Variants in OTUD7A observed in about 807,000 individuals in gnomAD.
The protein encoded by OTUD7A is OTU domain-containing protein 7A.
Under a neutral mutation model 65.7 loss-of-function variants are expected in OTUD7A, and 12 were observed. The observed-to-expected ratio is 0.18, with a 90% confidence interval of 0.12 to 0.30. The LOEUF (loss-of-function observed/expected upper bound fraction) is 0.30, where lower values mean the gene tolerates loss of function less well. Ranked by LOEUF, OTUD7A falls within the 10% of genes least tolerant of loss-of-function variation. The pLI is 1.00. For synonymous variants in OTUD7A, 641 were observed against 586.3 expected, an observed-to-expected ratio of 1.09 and a Z score of -1.35; for missense variants, 1,148 against 1,304.8, an observed-to-expected ratio of 0.88 and a Z score of 1.85.
rs1377808017 is a variant in OTUD7A at position 31,527,237 on chromosome 15, C to T, written c.724G>A (p.Glu242Lys). 6.2e-7 allele frequency: 1 copy of T among 1,614,124 alleles called. No homozygotes were observed. The highest frequency in any genetic ancestry group is 8.5e-7 in the Non-Finnish European group (1 of 1,180,048). ...CACCTCCGCTTCAGGGCTTCCCTCT[C>T]AGCTCCCGTCCTCATCATGGTATAG... ...ALYTMMRTGAEREALKRRWRW... is the reference protein window; with the variant it reads ...ALYTMMRTGAKREALKRRWRW... Residue 242 changes from glutamate to lysine, a missense_variant, in exon 7 of 13, where the codon GAG becomes AAG. This residue lies in a region of OTUD7A where 134 missense variants were observed against 252.6 expected (regional missense o/e 0.53). Transcript: ENST00000307050.
intron 1 of OTUD7A, among the ~76,000 whole-genome samples, chr15:31,838,653 A>G (rs997780617): frequency 2.2e-5 from 2 of 91,592 alleles, no homozygotes; most frequent in African/African-American, 7.6e-5. Flanking sequence ...AACTGATCTC[A>G]AAGACCCCCC....
rs559641494 is a variant in OTUD7A at position 31,619,815 on chromosome 15, A to G, written c.151+35281T>C. Among the ~76,000 whole-genome samples the G allele has an allele frequency of 3.3e-5, 5 of 152,262 alleles. No homozygotes were observed. The South Asian group carries it at 6.2e-4, about 19-fold the overall frequency. ...ACTTCCAACACTATGTTGAATAGGA[A>G]TGGTGAGAGAGGGCATCCCTGTCTG... On this transcript the variant is annotated intron_variant, in intron 3 of 12. Coordinates refer to ENST00000307050, the MANE Select transcript of OTUD7A (RefSeq NM_001382637.1).
Position 31,483,438 on chromosome 15 carries a change from G to T in OTUD7A, c.2658C>A (p.Gly886=). Residue 886 remains glycine, a synonymous_variant, in exon 13 of 13, where the codon GGC becomes GGA. Coordinates refer to ENST00000307050, the MANE Select transcript of OTUD7A (RefSeq NM_001382637.1). The part of the protein sequence containing the change: ...APTARSNGEC[G]RGGPGPVQRR... ...GCTGCACCGGCCCCGGGCCGCCACG[G>T]CCGCACTCACCGTTCGAGCGCGCGG... The T allele has an allele frequency of 2.2e-6, 3 of 1,383,602 alleles. No homozygotes were observed. The highest frequency in any genetic ancestry group is 2.8e-6 in the Non-Finnish European group (3 of 1,069,120). The allele number at this position is 1,383,602 out of a possible 1,614,324, so 85.7% of individuals were successfully genotyped here.
chr15:31,655,346 G>C, intron 2 of OTUD7A, 96 bp from the exon 3 acceptor site: 1 of 591,810 alleles, frequency 1.7e-6, no homozygotes, highest in Non-Finnish European at 2.9e-6. Flanking sequence ...GAACCCTCGA[G>C]GGTGGAGCCA....
Position 31,526,331 on chromosome 15 carries a change from A to G in OTUD7A, c.893+18T>C. 6.4e-7 allele frequency: 1 copy of G among 1,567,970 alleles called. No homozygotes were observed. The highest frequency in any genetic ancestry group is 8.6e-7 in the Non-Finnish European group (1 of 1,161,380). On this transcript the variant is annotated intron_variant, in intron 8 of 12. Transcript: ENST00000307050. ...GGAGCTGGAGGTGACTTCTGGGGAG[A>G]GCAGGGGCAGCACTTACCCCCCGCC...
chr15:31,775,117 C>T (rs1895342723), intron 1 of OTUD7A, among the ~76,000 whole-genome samples: 1 of 149,772 alleles, frequency 6.7e-6, no homozygotes, highest in South Asian at 2.1e-4. Flanking sequence ...CACACACACA[C>T]ACCCCTCCCC....
chr15:31,790,998 C>T (rs1895799023), intron 1 of OTUD7A, among the ~76,000 whole-genome samples: 1 of 152,126 alleles, frequency 6.6e-6, no homozygotes, highest in Non-Finnish European at 1.5e-5. Context: ...TTAGTCCTGA[C>T]CTACAACTAA....
intron 8 of OTUD7A, among the ~76,000 whole-genome samples, chr15:31,512,104 G>T (rs1440868224): frequency 6.6e-6 from 1 of 152,092 alleles, no homozygotes; most frequent in Non-Finnish European, 1.5e-5. Context: ...ATGCTTTACT[G>T]CCCCGCAGCT....
chr15:31,684,982 C>T (rs1300631654), intron 1 of OTUD7A, among the ~76,000 whole-genome samples: 2 of 150,866 alleles, frequency 1.3e-5, no homozygotes, highest in African/African-American at 4.9e-5. Context: ...CCCGGTGCTA[C>T]GTGATCACTC....
rs944351776 is a variant in OTUD7A at position 31,476,780 on chromosome 15, T to C, written c.*6514A>G. On this transcript the variant is annotated 3_prime_UTR_variant, in exon 13 of 13. Coordinates refer to ENST00000307050, the MANE Select transcript of OTUD7A (RefSeq NM_001382637.1). ...GACAAAGCCTTTAACCAGGCCACAGTAGGACAAAAGTCCCATAAGAAGCTT... is the reference window on the plus strand; with the variant it reads ...GACAAAGCCTTTAACCAGGCCACAGCAGGACAAAAGTCCCATAAGAAGCTT... 2 of 152,244 alleles carry C rather than the reference T, an allele frequency of 1.3e-5. No individual in the cohort carries two copies. Among genetic ancestry groups the C allele is most frequent in the Non-Finnish European group, 2.9e-5 (2 of 68,044 alleles). 9.4% of individuals were successfully genotyped at this position (152,244 alleles called of 1,614,324 possible). A position where few individuals can be genotyped will look rare whatever the true frequency, so the allele number is the denominator to read the frequency against.
chr15:31,784,505 T>C (rs769280828), intron 1 of OTUD7A, among the ~76,000 whole-genome samples: 57 of 152,252 alleles, frequency 3.7e-4, no homozygotes, highest in Admixed American at 2.0e-4. Context: ...AGCTTATCTA[T>C]GTTTACATGT....
At chr15:31,566,009 G>A (rs1332026650) in intron 4 of OTUD7A, among the ~76,000 whole-genome samples, 3 of 152,036 alleles carry the variant, frequency 2.0e-5, no homozygotes, top group East Asian at 1.9e-4. Flanking sequence ...TGGCTAACAC[G>A]GTGAAACCTT....
At chr15:31,669,496 G>A (rs571690933) in intron 1 of OTUD7A, among the ~76,000 whole-genome samples, 1 of 152,340 alleles carries the variant, frequency 6.6e-6, no homozygotes, top group South Asian at 2.1e-4. Context: ...TTCTCCCACT[G>A]TGCCTCCCCT....
chr15:31,479,060 T>C lies in OTUD7A; in HGVS notation c.*4234A>G, dbSNP rs1012551277. The C allele has an allele frequency of 6.6e-6, 1 of 152,228 alleles. No individual in the cohort carries two copies. The highest frequency in any genetic ancestry group is 2.4e-5 in the African/African-American group (1 of 41,438). 9.4% of individuals were successfully genotyped at this position (152,228 alleles called of 1,614,324 possible). On this transcript the variant is annotated 3_prime_UTR_variant, in exon 13 of 13. Transcript: ENST00000307050. ...ACACTAAAACAGGCCAGCTAGAGTTTAGAGTCAGGAGTAAATGGGAAGGTG... is the reference window on the plus strand; with the variant it reads ...ACACTAAAACAGGCCAGCTAGAGTTCAGAGTCAGGAGTAAATGGGAAGGTG...
chr15:31,730,157 G>A lies in OTUD7A; in HGVS notation c.-99-73080C>T, dbSNP rs538415379. ...GTGAGGACACAGCAAGAAGGTGGTT[G>A]TCAGCAACCAGGAAGAGAGCCCCAC... On this transcript the variant is annotated intron_variant, in intron 1 of 12. Transcript: ENST00000307050. Among the ~76,000 whole-genome samples the A allele has an allele frequency of 8.5e-5, 13 of 152,268 alleles. No individual in the cohort carries two copies. The East Asian group carries it at 2.5e-3, about 29-fold the overall frequency.
At chr15:31,704,947 C>T (rs1488285873) in intron 1 of OTUD7A, among the ~76,000 whole-genome samples, 6 of 151,460 alleles carry the variant, frequency 4.0e-5, no homozygotes, top group Non-Finnish European at 8.8e-5. Context: ...TCATACAGTA[C>T]TTTTGCCCAG....
At chr15:31,775,909 A>T (rs1895366496) in intron 1 of OTUD7A, among the ~76,000 whole-genome samples, 1 of 152,218 alleles carries the variant, frequency 6.6e-6, no homozygotes, top group South Asian at 2.1e-4. Context: ...GCAGCAGTGC[A>T]TTCAAAGCTT....
intron 4 of OTUD7A, 61 bp downstream of exon 4, chr15:31,569,957 C>A: frequency 5.7e-6 from 9 of 1,581,276 alleles, no homozygotes; most frequent in Non-Finnish European, 7.8e-6. Context: ...ACGCAACCCG[C>A]CTGCAAGCTG....
chr15:31,730,428 G>A (rs928210034), intron 1 of OTUD7A, among the ~76,000 whole-genome samples: 41 of 152,112 alleles, frequency 2.7e-4, no homozygotes, highest in Non-Finnish European at 4.6e-4. Flanking sequence ...GTTCTGAATG[G>A]GCCTTGCTTG....
Sources: gnomAD v4.1 joint callset for allele counts (sites outside exome capture counted in the v4.1 genomes callset) on GRCh38, gnomAD v4.1.1 for gene constraint, gnomAD v4.1.1 regional missense constraint, MANE v1.5 for transcripts, NCBI Gene and HGNC (gene_info 2026-07-23, HGNC 2026-07-21) for gene names.